Variants in HDAC9 observed in about 807,000 individuals in gnomAD.
HDAC9 encodes the protein MEF-2 interacting transcription repressor (MITR) protein.
Under a neutral mutation model 139.4 loss-of-function variants are expected in HDAC9, and 41 were observed. The observed-to-expected ratio is 0.29, with a 90% CI of 0.23 to 0.38. The LOEUF (loss-of-function observed/expected upper bound fraction) is 0.38, where lower values mean the gene tolerates loss of function less well. Ranked by LOEUF, HDAC9 falls within the 10% of genes least tolerant of loss-of-function variation. The pLI is 1.00. For synonymous variants in HDAC9, 517 were observed against 476.2 expected (o/e 1.09, Z -1.12); for missense variants, 1,147 against 1,297.0 (o/e 0.88, Z 1.78).
chr7:18,720,406 A>G (rs2129123552), intron 12 of HDAC9, among the ~76,000 whole-genome samples: 1 of 151,430 alleles, frequency 6.6e-6, no homozygotes, highest in South Asian at 2.1e-4. Flanking sequence ...TTCCCAATTT[A>G]TAGTCTTCTT....
chr7:18,258,290 T>G (rs1359229203), intron 2 of HDAC9, among the ~76,000 whole-genome samples: 1 of 152,208 alleles, frequency 6.6e-6, no homozygotes, highest in Non-Finnish European at 1.5e-5. Context: ...AAATGAGAGA[T>G]GTAAAGATGA....
At chr7:18,303,567 A>T (rs1312448358) in intron 1 of HDAC9, among the ~76,000 whole-genome samples, 1 of 152,104 alleles carries the variant, frequency 6.6e-6, no homozygotes, top group Non-Finnish European at 1.5e-5. Context: ...TCTTACATTT[A>T]CGTTGAAAAG....
chr7:18,989,288 G>C (rs1026203775), intron 25 of HDAC9, among the ~76,000 whole-genome samples: 3 of 151,048 alleles, frequency 2.0e-5, no homozygotes, highest in Non-Finnish European at 4.4e-5. Context: ...GCATTTGCTT[G>C]TCTGTAAAGT....
intron 25 of HDAC9, among the ~76,000 whole-genome samples, chr7:18,990,097 G>C (rs1369793808): frequency 1.3e-5 from 2 of 152,126 alleles, no homozygotes; most frequent in African/African-American, 2.4e-5. Flanking sequence ...TTGCTGGTGA[G>C]GAACTGAGTT....
intron 12 of HDAC9, among the ~76,000 whole-genome samples, chr7:18,726,891 C>T (rs977598010): frequency 3.3e-5 from 5 of 152,032 alleles, no homozygotes; most frequent in African/African-American, 1.2e-4. Flanking sequence ...CCATAAAATT[C>T]CAAACTGTGA....
At chr7:18,665,340 C>G (rs1376410694) in intron 11 of HDAC9, among the ~76,000 whole-genome samples, 1 of 152,054 alleles carries the variant, frequency 6.6e-6, no homozygotes, top group African/African-American at 2.4e-5. Context: ...AAACAAATGA[C>G]CAGTGTGAGA....
intron 2 of HDAC9, among the ~76,000 whole-genome samples, chr7:18,504,351 G>A (rs889978861): frequency 9.2e-5 from 14 of 152,232 alleles, no homozygotes; most frequent in South Asian, 2.1e-4. Context: ...TGTCATCCAG[G>A]CAGGAGTGCA....
rs549362663 is a variant in HDAC9, at chr7:18,786,505, C to G, written c.2215-6840C>G. Among the ~76,000 whole-genome samples, 17 of 125,364 alleles carry G rather than the reference C, an allele frequency of 1.4e-4. No homozygotes were observed. The East Asian group carries it at 3.7e-3, about 27-fold the overall frequency. 82.2% of individuals were successfully genotyped at this position (125,364 alleles called of 152,430 possible). ...TCCTTTCTTCCTTCCTTCCTTCCTT[C>G]CTCTCTCTCATGTACTTTTTGCTCA... On this transcript the variant is annotated intron_variant, in intron 16 of 25. Transcript: ENST00000686413.
intron 12 of HDAC9, among the ~76,000 whole-genome samples, chr7:18,689,089 A>G (rs1260062782): frequency 1.3e-5 from 2 of 152,018 alleles, no homozygotes; most frequent in Non-Finnish European, 2.9e-5. Flanking sequence ...CAGTTTACAA[A>G]GACTTACGTT....
At chr7:18,404,708 A>T (rs983476805) in intron 1 of HDAC9, among the ~76,000 whole-genome samples, 1 of 152,240 alleles carries the variant, frequency 6.6e-6, no homozygotes, top group Non-Finnish European at 1.5e-5. Flanking sequence ...CAGTTTTACC[A>T]TAGGCTAATT....
At chr7:18,656,819 A>G (rs947539718) in intron 11 of HDAC9, among the ~76,000 whole-genome samples, 21 of 152,052 alleles carry the variant, frequency 1.4e-4, no homozygotes, top group Admixed American at 2.6e-4. Flanking sequence ...GGATTGCTGG[A>G]TCATATGGTA....
intron 2 of HDAC9, among the ~76,000 whole-genome samples, chr7:18,580,685 A>G (rs1476106684): frequency 1.3e-5 from 2 of 152,184 alleles, no homozygotes; most frequent in Non-Finnish European, 2.9e-5. Flanking sequence ...TGTTCTAAGT[A>G]ATTTTTGAGG....
intron 1 of HDAC9, among the ~76,000 whole-genome samples, chr7:18,116,014 T>C (rs1054810101): frequency 2.6e-5 from 4 of 152,232 alleles, no homozygotes; most frequent in Non-Finnish European, 5.9e-5. Context: ...TAGTGTTTAT[T>C]TCTATAGAGA....
At chr7:18,844,307 G>A (rs1173423027) in intron 21 of HDAC9, among the ~76,000 whole-genome samples, 1 of 152,126 alleles carries the variant, frequency 6.6e-6, no homozygotes. Flanking sequence ...AAAGCTTCTA[G>A]TGGGAAAGAC....
At chr7:18,110,733 G>A in intron 1 of HDAC9, among the ~76,000 whole-genome samples, 1 of 152,218 alleles carries the variant, frequency 6.6e-6, no homozygotes, top group East Asian at 1.9e-4. Flanking sequence ...ATGCAGTTGA[G>A]TTGGAGTGAG....
intron 2 of HDAC9, among the ~76,000 whole-genome samples, chr7:18,268,938 T>C (rs548612061): frequency 1.3e-5 from 2 of 152,348 alleles, no homozygotes; most frequent in South Asian, 4.1e-4. Context: ...GCTGTGGTTA[T>C]TTGAACAAAT....
At chr7:18,659,498 G>C (rs1259579136) in intron 11 of HDAC9, among the ~76,000 whole-genome samples, 1 of 152,122 alleles carries the variant, frequency 6.6e-6, no homozygotes, top group Non-Finnish European at 1.5e-5. Flanking sequence ...AATTACGATG[G>C]TATCTGGCAC....
chr7:18,726,798 T>C (rs1785587344), intron 12 of HDAC9, among the ~76,000 whole-genome samples: 1 of 151,908 alleles, frequency 6.6e-6, no homozygotes, highest in Non-Finnish European at 1.5e-5. Flanking sequence ...GCTCGCTGTG[T>C]AGCATTGATG....
At chr7:18,981,309 C>G (rs561257478) in intron 25 of HDAC9, among the ~76,000 whole-genome samples, 165 of 152,294 alleles carry the variant, frequency 1.1e-3, no homozygotes, top group African/African-American at 3.5e-3. Context: ...TCAACACTTT[C>G]TGATTATTTC....
Sources: gnomAD v4.1 joint callset for allele counts (sites outside exome capture counted in the v4.1 genomes callset) on GRCh38, gnomAD v4.1.1 for gene constraint, MANE v1.5 for transcripts, NCBI Gene and HGNC (gene_info 2026-07-23, HGNC 2026-07-21) for gene names.